L1CAM: variants seen among roughly 807,000 people sequenced by gnomAD.
The protein encoded by L1CAM is L1 cell adhesion molecule.
In L1CAM, 8 loss-of-function variants were observed where a neutral mutation model predicts 93.0. The observed-to-expected ratio is 0.09, with a 90% CI of 0.05 to 0.16. L1CAM has a LOEUF of 0.16. Among genes scored for constraint, L1CAM ranks in the 10% least tolerant of loss-of-function variants. L1CAM has a pLI of 1.00. For synonymous variants in L1CAM, 453 were observed against 453.0 expected (o/e 1.00, Z 0.00); for missense variants, 777 against 1,073.4 (o/e 0.72, Z 3.86).
At position 153,865,746 on chromosome X, in the gene L1CAM, C is replaced by T. The variant is rs782814807; in HGVS notation, c.2505G>A (p.Pro835=). 1.2e-5 allele frequency: 15 copies of T among 1,210,321 alleles called. No homozygotes were observed. Among genetic ancestry groups the T allele is most frequent in the South Asian group, 8.8e-5 (5 of 56,956 alleles). ...NSSAVLVKWR[P]VDLAQVKGHL... ...GGCCCTTGACCTGGGCCAGGTCCAC[C>T]GGCCGCCACTTGACCAGCACGGCAC... Residue 835 remains proline (P), a synonymous_variant, in exon 20 of 29, where the codon CCG becomes CCA. Transcript: ENST00000370060.
At position 153,864,925 on chromosome X, in the gene L1CAM, G is replaced by A. The variant is rs782032678; in HGVS notation, c.2942C>T (p.Thr981Ile). Residue 981 changes from threonine to isoleucine, a missense_variant, in exon 23 of 29, where the codon ACC becomes ATC. By Grantham distance (89) the Thr-to-Ile change is moderately conservative. This residue lies in a region of L1CAM where 71 missense variants were observed against 77.4 expected (regional missense o/e 0.92). Coordinates refer to ENST00000370060, the MANE Select transcript of L1CAM (RefSeq NM_001278116.2). ...RDPELRTHNL[T>I]DLSPHLRYRF... Reference sequence around the variant, plus strand: ...GTACCGCAGGTGGGGGCTGAGATCGGTCAGGTTGTGTGTCCGAAGTTCGGG... The same window carrying A: ...GTACCGCAGGTGGGGGCTGAGATCGATCAGGTTGTGTGTCCGAAGTTCGGG... 1.6e-6 allele frequency: 2 copies of A among 1,212,359 alleles called. No homozygotes were observed. The highest frequency in any genetic ancestry group is 1.1e-6 in the Non-Finnish European group (1 of 895,575).
chrX:153,885,862 G>A, intron 1 of L1CAM: 4 of 791,561 alleles, frequency 5.1e-6, no homozygotes, highest in Non-Finnish European at 6.3e-6. Flanking sequence ...CGGGCACCCG[G>A]CATCCCTCCC....
chrX:153,876,267 C>A (rs781916769), intron 1 of L1CAM: 8 of 337,572 alleles, frequency 2.4e-5, no homozygotes, highest in Non-Finnish European at 3.7e-5. Context: ...CATGCACATC[C>A]CCGTATGTGT....
chrX:153,867,532 T>C lies in L1CAM; in HGVS notation c.1961A>G (p.Asp654Gly). 1.7e-6 allele frequency: 2 copies of C among 1,210,728 alleles called. No individual in the cohort carries two copies. Among genetic ancestry groups the C allele is most frequent in the Non-Finnish European group, 2.2e-6 (2 of 894,433 alleles). ...CCATTTTTCAGGCGCCATTTCCTTG[T>C]CCTCAAATTCAATGTCATATTCTGC... Reference protein sequence around the residue: ...PIEKYDIEFEDKEMAPEKWYS... With the variant: ...PIEKYDIEFEGKEMAPEKWYS... Residue 654 changes from aspartate to glycine, a missense_variant, in exon 17 of 29, where the codon GAC (aspartate) becomes GGC (glycine). This residue lies in a region of L1CAM where 574 missense variants were observed against 781.0 expected (regional missense o/e 0.73). Coordinates refer to ENST00000370060, the MANE Select transcript of L1CAM (RefSeq NM_001278116.2).
intron 26 of L1CAM, 143 bp from the exon 27 acceptor site, chrX:153,863,692 C>A (rs1427782638): frequency 1.2e-6 from 1 of 810,472 alleles, no homozygotes; most frequent in African/African-American, 2.0e-5. Context: ...TCACCCCCTG[C>A]GGTCCAGCCA....
In L1CAM at chrX:153,866,870, G is replaced by C. The variant is rs781799927; in HGVS notation, c.2210C>G (p.Pro737Arg). 1.7e-6 allele frequency: 2 copies of C among 1,204,535 alleles called. No homozygotes were observed. The highest frequency in any genetic ancestry group is 1.8e-5 in the South Asian group (1 of 56,679). ...ETTNMVITWK[P>R]LRWMDWNAPQ... ...GGCGTTCCAGTCCATCCACCGGAGC[G>C]GCTGGAGGAGGCCAGCAGAAGAGGA... Residue 737 changes from proline to arginine, a missense_variant and splice_region_variant, in exon 19 of 29, where the codon CCG (proline) becomes CGG (arginine). By Grantham distance (103) the Pro-to-Arg change is moderately radical (BLOSUM62 -2). Transcript: ENST00000370060.
intron 2 of L1CAM, among the ~76,000 whole-genome samples, chrX:153,875,099 G>A (rs980081503): frequency 2.7e-5 from 3 of 111,026 alleles, no homozygotes; most frequent in Admixed American, 9.6e-5. Context: ...ACAACCCTAC[G>A]GCCACACTCC....
rs782094005 is a variant in L1CAM, at chrX:153,864,066, G to A, written c.3323-49C>T. 11 of 1,205,154 alleles carry A rather than the reference G, an allele frequency of 9.1e-6. No individual in the cohort carries two copies. The South Asian group carries it at 1.4e-4, about 16-fold the overall frequency. On this transcript the variant is annotated intron_variant, in intron 25 of 28. Transcript: ENST00000370060. Reference sequence around the variant, plus strand: ...CGTGCTGCCGCCCAAGCCAGAACCCGACCTGAGGCCCTGAAGTATGCTCTT... The same window carrying A: ...CGTGCTGCCGCCCAAGCCAGAACCCAACCTGAGGCCCTGAAGTATGCTCTT...
chrX:153,880,469 G>T, intron 1 of L1CAM: 1 of 235,323 alleles, frequency 4.2e-6, no homozygotes, highest in Non-Finnish European at 8.2e-6. Context: ...GACTCAGTGG[G>T]CCAGAGTGGG....
intron 2 of L1CAM, among the ~76,000 whole-genome samples, chrX:153,875,196 A>G (rs1474736434): frequency 2.7e-5 from 3 of 111,307 alleles, no homozygotes; most frequent in Non-Finnish European, 5.7e-5. Context: ...CCCCCACCAA[A>G]TAACTACACA....
chrX:153,885,479 G>A, intron 1 of L1CAM: 6 of 891,347 alleles, frequency 6.7e-6, no homozygotes, highest in Non-Finnish European at 7.3e-6. Context: ...AAAGAAGAAG[G>A]AGGAGAACAA....
At chrX:153,864,122 T>C in intron 25 of L1CAM, 105 bp from the exon 26 acceptor site, 1 of 1,116,617 alleles carries the variant, frequency 9.0e-7, no homozygotes, top group Non-Finnish European at 1.2e-6. Flanking sequence ...GGCTAAGGAG[T>C]GACAGGGACA....
In L1CAM at chrX:153,871,031, C is replaced by T. The variant is rs200481097; in HGVS notation, c.523+26G>A. ...CACCCCCGCTAACACCCCGACCCCACGAGGCAGCCGCTCGCCGGCACCCAC... is the reference window on the plus strand; with the variant it reads ...CACCCCCGCTAACACCCCGACCCCATGAGGCAGCCGCTCGCCGGCACCCAC... On this transcript the variant is annotated intron_variant, in intron 6 of 28. Transcript: ENST00000370060. 2.1e-4 allele frequency: 248 copies of T among 1,208,992 alleles called. 1 individual carries two copies. The African/African-American group carries it at 3.7e-3, about 18-fold the overall frequency.
chrX:153,876,237 A>G (rs1423104266), intron 1 of L1CAM: 4 of 385,929 alleles, frequency 1.0e-5, no homozygotes, highest in Non-Finnish European at 1.8e-5. Flanking sequence ...TTGTTGCCCC[A>G]TCAGCTCCCC....
chrX:153,869,415 A>G, intron 11 of L1CAM, 105 bp downstream of exon 11: 2 of 949,835 alleles, frequency 2.1e-6, no homozygotes, highest in Non-Finnish European at 3.0e-6. Context: ...CCAGCCTGGT[A>G]GGCCGAGGAC....
intron 1 of L1CAM, among the ~76,000 whole-genome samples, chrX:153,883,429 GGAGA>G (rs2064857218): frequency 9.3e-6 from 1 of 106,995 alleles, no homozygotes; most frequent in Admixed American, 9.7e-5. Context: ...AGGCTGCAGA[GGAGA>G]GAGCAGGGGG....
chrX:153,864,791 C>T (rs782089821), intron 23 of L1CAM, 30 bp downstream of exon 23: 4 of 1,211,751 alleles, frequency 3.3e-6, no homozygotes, highest in African/African-American at 1.7e-5. Context: ...GCCGGGGCCT[C>T]CCTGTTGGCA....
rs781978055 is a variant in L1CAM, at chrX:153,871,008, C to G, written c.524-48G>C. On this transcript the variant is annotated intron_variant, in intron 6 of 28. Coordinates refer to ENST00000370060, the MANE Select transcript of L1CAM (RefSeq NM_001278116.2). ...AGTCATGACCCCGTCCAGGAAGACA[C>G]CCCCGCTAACACCCCGACCCCACGA... 4.1e-6 allele frequency: 5 copies of G among 1,208,780 alleles called. No homozygotes were observed. The Admixed American group carries it at 8.8e-5, about 21-fold the overall frequency.
intron 4 of L1CAM, 67 bp from the exon 5 acceptor site, chrX:153,872,421 G>C: frequency 1.8e-6 from 2 of 1,089,160 alleles, no homozygotes; most frequent in Non-Finnish European, 2.5e-6. Context: ...ACAGGCTGGA[G>C]GGACAGGTGC....
Sources: gnomAD v4.1 joint callset for allele counts (sites outside exome capture counted in the v4.1 genomes callset) on GRCh38, gnomAD v4.1.1 for gene constraint, gnomAD v4.1.1 regional missense constraint, MANE v1.5 for transcripts, NCBI Gene and HGNC (gene_info 2026-07-23, HGNC 2026-07-21) for gene names.